MYO3B: variants seen among roughly 807,000 people sequenced by gnomAD.
The protein encoded by MYO3B is myosin-IIIb.
MYO3B carries 156 observed loss-of-function variants against 174.6 expected under a neutral mutation model. The observed-to-expected ratio is 0.89, with a 90% CI of 0.78 to 1.02. The LOEUF is 1.02. MYO3B is among the 50% of genes least tolerant of loss of function. MYO3B has a pLI of 0.00. For missense variants in MYO3B, 1,632 were observed against 1,639.4 expected, an observed-to-expected ratio of 1.00 and a Z score of 0.08; for synonymous variants, 563 against 569.1, an observed-to-expected ratio of 0.99 and a Z score of 0.15.
At chr2:170,228,799 A>G (rs2092981243) in intron 6 of MYO3B, among the ~76,000 whole-genome samples, 1 of 152,112 alleles carries the variant, frequency 6.6e-6, no homozygotes, top group Non-Finnish European at 1.5e-5. Flanking sequence ...ATAATTAGAG[A>G]CCTTCCTGAA....
At chr2:170,307,635 GC>G (rs547640921) in intron 7 of MYO3B, among the ~76,000 whole-genome samples, 128 of 152,178 alleles carry the variant, frequency 8.4e-4, no homozygotes, top group African/African-American at 3.0e-3. Context: ...TCTTTATTTT[GC>G]CCAGGAAGAA....
chr2:170,575,179 C>A (rs1403320230), intron 32 of MYO3B, among the ~76,000 whole-genome samples: 1 of 152,028 alleles, frequency 6.6e-6, no homozygotes, highest in Non-Finnish European at 1.5e-5. Context: ...AATCTTAGGG[C>A]ACTATTAAAA....
At chr2:170,305,634 T>G (rs2093696152) in intron 7 of MYO3B, among the ~76,000 whole-genome samples, 1 of 152,206 alleles carries the variant, frequency 6.6e-6, no homozygotes, top group Non-Finnish European at 1.5e-5. Flanking sequence ...ATTCAAGTAG[T>G]CTTAGCCCTG....
intron 8 of MYO3B, among the ~76,000 whole-genome samples, chr2:170,358,786 C>T (rs551969868): frequency 1.3e-5 from 2 of 152,276 alleles, no homozygotes; most frequent in South Asian, 2.1e-4. Flanking sequence ...GGACGGCCTT[C>T]TCCGTAGTAG....
rs576048420 is a variant in MYO3B, at chr2:170,490,111, C to T, written c.3015-8481C>T. The stretch of plus-strand genomic sequence containing the variant: ...TGGCGTGATCTTGGCTCACTGCAAC[C>T]TCCGCCTCCCGGGTTCAAGCCATTC... On this transcript the variant is annotated intron_variant, in intron 25 of 34. Transcript: ENST00000408978. Among the ~76,000 whole-genome samples the T allele has an allele frequency of 2.2e-4, 34 of 151,402 alleles. 2 individuals carry two copies. In the South Asian group the frequency reaches 6.5e-3, roughly 29 times the overall value.
chr2:170,602,770 T>G (rs1461071942), intron 32 of MYO3B, among the ~76,000 whole-genome samples: 1 of 152,136 alleles, frequency 6.6e-6, no homozygotes, highest in East Asian at 1.9e-4. Flanking sequence ...AGACAAAATC[T>G]TTAAGAATGA....
chr2:170,604,123 T>C (rs1298357455), intron 32 of MYO3B, among the ~76,000 whole-genome samples: 1 of 152,176 alleles, frequency 6.6e-6, no homozygotes, highest in East Asian at 1.9e-4. Context: ...GAAGACAAAA[T>C]TGTCTAGTGG....
intron 32 of MYO3B, among the ~76,000 whole-genome samples, chr2:170,584,593 G>A (rs1428358127): frequency 1.3e-5 from 2 of 152,208 alleles, no homozygotes; most frequent in East Asian, 1.9e-4. Flanking sequence ...TTTAGGTAAA[G>A]AATTGCATAA....
chr2:170,505,143 A>G (rs1309800659), intron 28 of MYO3B, among the ~76,000 whole-genome samples: 2 of 152,162 alleles, frequency 1.3e-5, no homozygotes, highest in African/African-American at 4.8e-5. Context: ...TCCTATGTGT[A>G]TAACACTGCA....
At chr2:170,460,708 C>T (rs1032416202) in intron 23 of MYO3B, among the ~76,000 whole-genome samples, 2 of 152,206 alleles carry the variant, frequency 1.3e-5, no homozygotes, top group African/African-American at 4.8e-5. Context: ...CAGGGCCCGT[C>T]ACTAGCTGGG....
At chr2:170,265,885 A>C (rs139003095) in intron 7 of MYO3B, among the ~76,000 whole-genome samples, 3,032 of 152,308 alleles carry the variant, frequency 0.02, 43 homozygotes, top group Admixed American at 0.033. Flanking sequence ...GTATGAATAC[A>C]ACATAAAATA....
At chr2:170,465,738 T>C (rs890134752) in intron 24 of MYO3B, among the ~76,000 whole-genome samples, 1 of 152,186 alleles carries the variant, frequency 6.6e-6, no homozygotes, top group Admixed American at 6.5e-5. Flanking sequence ...GTGCTAAACC[T>C]GAAAAATAAG....
chr2:170,358,094 G>T (rs973946065), intron 8 of MYO3B, among the ~76,000 whole-genome samples: 76 of 151,892 alleles, frequency 5.0e-4, no homozygotes, highest in Non-Finnish European at 9.0e-4. Flanking sequence ...AGAGGTTGCG[G>T]TGAGCCGAGA....
chr2:170,272,050 G>A (rs2093428978), intron 7 of MYO3B, among the ~76,000 whole-genome samples: 1 of 148,446 alleles, frequency 6.7e-6, no homozygotes, highest in Non-Finnish European at 1.5e-5. Flanking sequence ...ACCCAGTGAT[G>A]TCCCTCTTTC....
At chr2:170,611,856 G>A (rs1353752196) in intron 32 of MYO3B, among the ~76,000 whole-genome samples, 4 of 152,068 alleles carry the variant, frequency 2.6e-5, no homozygotes, top group South Asian at 2.1e-4. Context: ...ACTGAAGCAG[G>A]GTTTTTCCTC....
chr2:170,577,017 C>G (rs1692827427), intron 32 of MYO3B, among the ~76,000 whole-genome samples: 1 of 152,170 alleles, frequency 6.6e-6, no homozygotes. Flanking sequence ...ATCAATACAT[C>G]CAACAGAGTA....
At chr2:170,532,598 G>C (rs369658012) in intron 30 of MYO3B, among the ~76,000 whole-genome samples, 136 of 151,956 alleles carry the variant, frequency 8.9e-4, no homozygotes, top group African/African-American at 3.0e-3. Context: ...GGATCACCTG[G>C]GGTCAGGAGT....
chr2:170,407,513 C>A (rs1574931584), intron 21 of MYO3B, among the ~76,000 whole-genome samples: 2 of 150,818 alleles, frequency 1.3e-5, no homozygotes, highest in South Asian at 4.2e-4. Flanking sequence ...AAAACAAAAA[C>A]CAAAGCAACT....
intron 22 of MYO3B, among the ~76,000 whole-genome samples, chr2:170,409,588 A>T (rs1257470249): frequency 6.6e-6 from 1 of 152,248 alleles, no homozygotes; most frequent in Non-Finnish European, 1.5e-5. Context: ...ATCAAAACTT[A>T]TAAGCATGAT....
Sources: allele counts gnomAD v4.1 joint callset (sites outside exome capture counted in the v4.1 genomes callset), GRCh38; gene constraint gnomAD v4.1.1; transcripts MANE v1.5; gene names NCBI Gene and HGNC (gene_info 2026-07-23, HGNC 2026-07-21).